POMP: variants seen among roughly 807,000 people sequenced by gnomAD.
The protein encoded by POMP is 2510048O06Rik.
A neutral mutation model predicts 20.6 loss-of-function variants in POMP; 12 were observed. The observed-to-expected ratio is 0.58, with a 90% CI of 0.37 to 0.94. POMP has a LOEUF of 0.94. Ranked by LOEUF, POMP falls within the 40% of genes least tolerant of loss-of-function variation. POMP has a pLI of 0.01. For missense variants in POMP, 136 were observed against 161.1 expected, an observed-to-expected ratio of 0.84 and a Z score of 0.84; for synonymous variants, 53 against 55.0, an observed-to-expected ratio of 0.96 and a Z score of 0.16.
At chr13:28,663,147 T>C (rs1357538702) in intron 2 of POMP, among the ~76,000 whole-genome samples, 1 of 152,180 alleles carries the variant, frequency 6.6e-6, no homozygotes, top group Non-Finnish European at 1.5e-5. Flanking sequence ...TTCCTTTTTG[T>C]TTCTGTATGT....
chr13:28,665,750 CTT>C (rs1186786216), intron 3 of POMP, among the ~76,000 whole-genome samples: 3 of 152,182 alleles, frequency 2.0e-5, no homozygotes, highest in South Asian at 2.1e-4. Flanking sequence ...TTAGTTCACT[CTT>C]TTACTCAGTT....
At chr13:28,667,501 A>G (rs147635635) in intron 3 of POMP, among the ~76,000 whole-genome samples, 294 of 152,324 alleles carry the variant, frequency 1.9e-3, no homozygotes, top group African/African-American at 6.4e-3. Flanking sequence ...GGTTTTCCCT[A>G]AGGACCATCT....
rs886353358 is a variant in POMP, at chr13:28,678,081, A to G, written c.405A>G (p.Glu135=). 4.3e-6 allele frequency: 7 copies of G among 1,613,988 alleles called. No homozygotes were observed. In the African/African-American group the frequency reaches 9.3e-5, roughly 22 times the overall value. The change falls in exon 6 of 6, where the codon GAA becomes GAG. Residue 135 remains glutamate, a synonymous_variant. Coordinates refer to ENST00000380842, the MANE Select transcript of POMP (RefSeq NM_015932.6). Reference sequence around the variant, plus strand: ...TGGGAGAGCCACACTTGATGGTGGAATATAAACTTGGTTTACTGTAATAGT... The same window carrying G: ...TGGGAGAGCCACACTTGATGGTGGAGTATAAACTTGGTTTACTGTAATAGT... ...EVMGEPHLMV[E]YKLGLL
At chr13:28,673,888 T>C (rs1884589723) in intron 5 of POMP, among the ~76,000 whole-genome samples, 1 of 152,154 alleles carries the variant, frequency 6.6e-6, no homozygotes, top group Non-Finnish European at 1.5e-5. Flanking sequence ...ACAAAACAAA[T>C]ATCTGTGCTT....
chr13:28,670,002 CA>C (rs1884519172), intron 4 of POMP, among the ~76,000 whole-genome samples: 1 of 152,174 alleles, frequency 6.6e-6, no homozygotes, highest in Non-Finnish European at 1.5e-5. Flanking sequence ...CCCAGCTACT[CA>C]GGAGGCTGAG....
chr13:28,676,150 G>A (rs1626991), intron 5 of POMP, among the ~76,000 whole-genome samples: 5,132 of 152,040 alleles, frequency 0.034, 296 homozygotes, highest in African/African-American at 0.12. Flanking sequence ...GACTACAGGC[G>A]CCCACCACCA....
chr13:28,673,743 T>C (rs890402920), intron 5 of POMP, among the ~76,000 whole-genome samples: 2 of 152,216 alleles, frequency 1.3e-5, no homozygotes, highest in Admixed American at 1.3e-4. Context: ...TTCAGGTCTT[T>C]AGTTACAAAA....
intron 3 of POMP, among the ~76,000 whole-genome samples, chr13:28,664,784 G>T (rs143347587): frequency 3.3e-5 from 5 of 152,020 alleles, no homozygotes; most frequent in Admixed American, 3.3e-4. Context: ...TTTAATGTAC[G>T]TCTCCAAAGG....
intron 1 of POMP, 24 bp downstream of exon 1, chr13:28,659,211 G>T: frequency 1.3e-6 from 2 of 1,585,262 alleles, no homozygotes; most frequent in African/African-American, 1.3e-5. Flanking sequence ...CGGGCGGCTG[G>T]AGTTCCACGC....
chr13:28,673,646 G>T (rs1323475393), intron 5 of POMP, among the ~76,000 whole-genome samples: 1 of 152,194 alleles, frequency 6.6e-6, no homozygotes, highest in Non-Finnish European at 1.5e-5. Flanking sequence ...AATCTTCCCT[G>T]AGGGAGCATT....
chr13:28,668,297 A>G (rs1884481726), intron 3 of POMP, among the ~76,000 whole-genome samples, 176 bp from the exon 4 acceptor site: 1 of 152,228 alleles, frequency 6.6e-6, no homozygotes, highest in African/African-American at 2.4e-5. Context: ...TAAATGAAAT[A>G]TAGACATATG....
chr13:28,671,711 A>T (rs995593840), intron 4 of POMP, among the ~76,000 whole-genome samples: 16 of 151,942 alleles, frequency 1.1e-4, no homozygotes, highest in Admixed American at 7.9e-4. Context: ...ATGGAACATT[A>T]GTAATTGAAA....
Position 28,664,562 on chromosome 13 carries a change from A to G in POMP, c.155A>G (p.Glu52Gly). The G allele has an allele frequency of 6.6e-7, 1 of 1,521,306 alleles. No homozygotes were observed. Among genetic ancestry groups the G allele is most frequent in the East Asian group, 2.3e-5 (1 of 44,290 alleles). The allele number at this position is 1,521,306 out of a possible 1,614,324, so 94.2% of individuals were successfully genotyped here. Residue 52 changes from glutamate to glycine, a missense_variant, in exon 3 of 6, where the codon GAA (glutamate) becomes GGA (glycine). Glu to Gly is a moderately conservative substitution (Grantham distance 98, BLOSUM62 -2). Transcript: ENST00000380842. Reference protein sequence around the residue: ...LLPSHPLELSEKNFQLNQDKM... With the variant: ...LLPSHPLELSGKNFQLNQDKM... ...CCTAGTCATCCCCTTGAATTATCAG[A>G]AAAAAATGTAAGTATATTATTATGT...
Position 28,664,552 on chromosome 13 carries a change from G to C in POMP, c.145G>C (p.Glu49Gln), listed in dbSNP as rs779225629. ...KNELLPSHPLELSEKNFQLNQ... is the reference protein window; with the variant it reads ...KNELLPSHPLQLSEKNFQLNQ... ...TGAACTTTTGCCTAGTCATCCCCTT[G>C]AATTATCAGAAAAAAATGTAAGTAT... Residue 49 changes from glutamate to glutamine, a missense_variant, in exon 3 of 6, where the codon GAA (glutamate) becomes CAA (glutamine). Glu to Gln is a conservative substitution (Grantham distance 29). Transcript: ENST00000380842. The C allele has an allele frequency of 6.4e-7, 1 of 1,559,016 alleles. No homozygotes were observed.
intron 3 of POMP, among the ~76,000 whole-genome samples, chr13:28,667,275 CCAG>C (rs1432746403): frequency 2.0e-5 from 3 of 151,962 alleles, no homozygotes; most frequent in Non-Finnish European, 4.4e-5. Context: ...GCCTGTAGTC[CCAG>C]CGGCGTGGGA....
intron 5 of POMP, among the ~76,000 whole-genome samples, chr13:28,675,143 A>ACTT (rs1555257279): frequency 2.7e-5 from 4 of 150,646 alleles, no homozygotes; most frequent in African/African-American, 9.8e-5. Context: ...GTTTAGGTAG[A>ACTT]TTTTTTTTGT....
In POMP at chr13:28,665,482, C is replaced by G. The variant is rs115140283; in HGVS notation, c.162+913C>G. ...GTTTCAGGTGCAGAAGTTGACAGCCCAGAGTACACTTATAAGTATGTGAGT... is the reference window on the plus strand; with the variant it reads ...GTTTCAGGTGCAGAAGTTGACAGCCGAGAGTACACTTATAAGTATGTGAGT... On this transcript the variant is annotated intron_variant, in intron 3 of 5. Transcript: ENST00000380842. Among the ~76,000 whole-genome samples the G allele has an allele frequency of 6.2e-3, 942 of 152,224 alleles. 10 individuals carry two copies. Among genetic ancestry groups the G allele is most frequent in the African/African-American group, 0.022 (908 of 41,536 alleles).
intron 1 of POMP, among the ~76,000 whole-genome samples, chr13:28,659,584 C>CA (rs1884298113): frequency 6.6e-6 from 1 of 152,154 alleles, no homozygotes; most frequent in African/African-American, 2.4e-5. Flanking sequence ...CCAGAGCTCT[C>CA]AGACTCCTCA....
chr13:28,675,998 TTC>T (rs1884621417), intron 5 of POMP, among the ~76,000 whole-genome samples: 1 of 152,146 alleles, frequency 6.6e-6, no homozygotes, highest in Non-Finnish European at 1.5e-5. Flanking sequence ...CAGGGCCACC[TTC>T]CGCACTGGGA....
Sources: gnomAD v4.1 joint callset for allele counts (sites outside exome capture counted in the v4.1 genomes callset) on GRCh38, gnomAD v4.1.1 for gene constraint, MANE v1.5 for transcripts, NCBI Gene and HGNC (gene_info 2026-07-23, HGNC 2026-07-21) for gene names.